Variants in GPHN observed in about 807,000 individuals in gnomAD.
GPHN encodes gephyrin.
Under a neutral mutation model 95.5 loss-of-function variants are expected in GPHN, and 17 were observed. That is an observed-to-expected ratio of 0.18 (90% CI 0.12 to 0.27). GPHN has a LOEUF of 0.27. Among genes scored for constraint, GPHN ranks in the 10% least tolerant of loss-of-function variants. GPHN has a pLI of 1.00. For missense variants in GPHN, 660 were observed against 978.1 expected (o/e 0.67, Z 4.34); for synonymous variants, 320 against 322.5 (o/e 0.99, Z 0.08).
chr14:66,930,212 G>T (rs77488888), intron 8 of GPHN, among the ~76,000 whole-genome samples: 9,301 of 151,724 alleles, frequency 0.061, 375 homozygotes, highest in Admixed American at 0.091. Context: ...GTTCTTTGTG[G>T]TCTTCTCTTT....
chr14:66,638,982 C>A (rs1484755067), intron 1 of GPHN, among the ~76,000 whole-genome samples: 1 of 151,986 alleles, frequency 6.6e-6, no homozygotes, highest in Non-Finnish European at 1.5e-5. Context: ...CAGGAAGGAC[C>A]TTATCACACA....
intron 9 of GPHN, among the ~76,000 whole-genome samples, chr14:67,014,366 G>A (rs1308686680): frequency 6.6e-6 from 1 of 152,028 alleles, no homozygotes; most frequent in African/African-American, 2.4e-5. Flanking sequence ...AGCTAATAAT[G>A]GTAGAGCCAA....
At chr14:67,404,954 C>T in the GPHN span, among the ~76,000 whole-genome samples, 1 of 151,560 alleles carries the variant, frequency 6.6e-6, no homozygotes, top group African/African-American at 2.4e-5. Context: ...AGAATGGTGG[C>T]CAGGTGCGGT....
At chr14:67,051,768 G>A (rs2075317078) in intron 10 of GPHN, among the ~76,000 whole-genome samples, 1 of 152,172 alleles carries the variant, frequency 6.6e-6, no homozygotes, top group Non-Finnish European at 1.5e-5. Flanking sequence ...CCTCTCAGCA[G>A]AAACCCTACA....
intron 1 of GPHN, among the ~76,000 whole-genome samples, chr14:66,552,929 CTTTATA>C (rs1405606371): frequency 6.7e-6 from 1 of 148,226 alleles, no homozygotes; most frequent in African/African-American, 2.5e-5. Context: ...GTGTGGTTCT[CTTTATA>C]TTTATCCTGT....
At position 67,175,666 on chromosome 14, in the gene GPHN, G is replaced by C. The variant is rs559183777; in HGVS notation, c.2080-3912G>C. Among the ~76,000 whole-genome samples, 4 of 152,214 alleles carry C rather than the reference G, an allele frequency of 2.6e-5. No homozygotes were observed. The South Asian group carries it at 8.3e-4, about 32-fold the overall frequency. ...AGCATTGAGTCTATAAATTACTTTGGGCAGTATGGCCATTTTCATGATATT... is the reference window on the plus strand; with the variant it reads ...AGCATTGAGTCTATAAATTACTTTGCGCAGTATGGCCATTTTCATGATATT... On this transcript the variant is annotated intron_variant, in intron 21 of 22. Coordinates refer to ENST00000478722, the MANE Select transcript of GPHN (RefSeq NM_020806.5).
chr14:67,295,862 A>G, the GPHN span, among the ~76,000 whole-genome samples: 1 of 152,230 alleles, frequency 6.6e-6, no homozygotes, highest in African/African-American at 2.4e-5. Flanking sequence ...TTGTAGGTAT[A>G]TAGCCAAGAG....
chr14:66,546,811 G>A (rs2059620714), intron 1 of GPHN, among the ~76,000 whole-genome samples: 1 of 149,954 alleles, frequency 6.7e-6, no homozygotes, highest in African/African-American at 2.5e-5. Context: ...GGGAGGGGGA[G>A]GGGGAGGGAG....
At chr14:67,315,703 T>C in the GPHN span, among the ~76,000 whole-genome samples, 4 of 152,130 alleles carry the variant, frequency 2.6e-5, no homozygotes, top group Non-Finnish European at 5.9e-5. Flanking sequence ...AGCAGGAGGA[T>C]CACCTGAGAT....
At chr14:66,526,274 T>C (rs1310258857) in intron 1 of GPHN, among the ~76,000 whole-genome samples, 1 of 152,218 alleles carries the variant, frequency 6.6e-6, no homozygotes, top group East Asian at 1.9e-4. Flanking sequence ...ACTCATGATT[T>C]GGTTGTTTGT....
intron 13 of GPHN, among the ~76,000 whole-genome samples, chr14:67,105,526 A>AT (rs1396261953): frequency 6.6e-6 from 1 of 152,156 alleles, no homozygotes; most frequent in African/African-American, 2.4e-5. Context: ...TTCAATGCAT[A>AT]TATGTTTGCG....
At chr14:67,199,795 C>T in the GPHN span, 1 of 1,520,246 alleles carries the variant, frequency 6.6e-7, no homozygotes, top group Non-Finnish European at 8.9e-7. Flanking sequence ...CCTTCCCACC[C>T]CCAGTGCTGC....
intron 9 of GPHN, among the ~76,000 whole-genome samples, chr14:66,972,615 C>T (rs2069886299): frequency 6.6e-6 from 1 of 151,338 alleles, no homozygotes; most frequent in Non-Finnish European, 1.5e-5. Flanking sequence ...TTTAATTTTC[C>T]CATTTTGTCA....
At chr14:66,514,112 G>T (rs1164113450) in intron 1 of GPHN, among the ~76,000 whole-genome samples, 1 of 151,794 alleles carries the variant, frequency 6.6e-6, no homozygotes, top group Admixed American at 6.6e-5. Context: ...CTAAGCCACA[G>T]GAACAAACAT....
the GPHN span, chr14:67,569,904 C>T: frequency 6.4e-7 from 1 of 1,555,978 alleles, no homozygotes; most frequent in Non-Finnish European, 8.8e-7. Flanking sequence ...AATCTCATTC[C>T]TCTCTTCCCT....
intron 1 of GPHN, among the ~76,000 whole-genome samples, chr14:66,656,719 T>C (rs1050430855): frequency 1.3e-5 from 2 of 152,210 alleles, no homozygotes; most frequent in African/African-American, 4.8e-5. Flanking sequence ...TACAATTGTT[T>C]TGGCTTACCA....
chr14:67,477,166 CAA>C, the GPHN span, among the ~76,000 whole-genome samples: 4,124 of 137,096 alleles, frequency 0.03, 67 homozygotes, highest in African/African-American at 0.037. Context: ...AACTCCATCT[CAA>C]AAAAAAAAAA....
At chr14:66,850,936 G>T (rs111474782) in intron 4 of GPHN, among the ~76,000 whole-genome samples, 1 of 151,896 alleles carries the variant, frequency 6.6e-6, no homozygotes. Flanking sequence ...ATATAATAAT[G>T]TAATATAATT....
chr14:66,589,246 G>T (rs1445895468), intron 1 of GPHN, among the ~76,000 whole-genome samples: 1 of 151,994 alleles, frequency 6.6e-6, no homozygotes, highest in Non-Finnish European at 1.5e-5. Context: ...CTAAATATGG[G>T]AAGAAAAAAC....
Sources: allele counts gnomAD v4.1 joint callset (sites outside exome capture counted in the v4.1 genomes callset), GRCh38; gene constraint gnomAD v4.1.1; transcripts MANE v1.5; gene names NCBI Gene and HGNC (gene_info 2026-07-23, HGNC 2026-07-21).